Variants in ATP8A2 observed in about 807,000 individuals in gnomAD.
ATP8A2 encodes ATPase phospholipid transporting 8A2.
ATP8A2 carries 100 observed loss-of-function variants against 165.6 expected under a neutral mutation model. That is an observed-to-expected ratio of 0.60 (90% CI 0.51 to 0.71). The LOEUF (loss-of-function observed/expected upper bound fraction) is 0.71. Among genes scored for constraint, ATP8A2 ranks in the 30% least tolerant of loss-of-function variants. The pLI is 0.00. For synonymous variants in ATP8A2, 543 were observed against 548.8 expected, an observed-to-expected ratio of 0.99 and a Z score of 0.15; for missense variants, 1,227 against 1,479.5, an observed-to-expected ratio of 0.83 and a Z score of 2.80.
intron 33 of ATP8A2, among the ~76,000 whole-genome samples, chr13:25,926,118 T>C (rs1172448487): frequency 6.6e-6 from 1 of 152,188 alleles, no homozygotes; most frequent in Non-Finnish European, 1.5e-5. Flanking sequence ...TTCAATAAGC[T>C]TCAGCTTGAC....
chr13:25,912,449 A>G (rs1466733931), intron 33 of ATP8A2, among the ~76,000 whole-genome samples: 3 of 152,126 alleles, frequency 2.0e-5, no homozygotes, highest in Non-Finnish European at 4.4e-5. Flanking sequence ...CAGGAGGAAT[A>G]TGTTTTTTTC....
At chr13:25,876,877 CTAAT>C (rs1346578175) in intron 33 of ATP8A2, among the ~76,000 whole-genome samples, 2 of 151,990 alleles carry the variant, frequency 1.3e-5, no homozygotes, top group African/African-American at 4.8e-5. Flanking sequence ...ATAATATAAA[CTAAT>C]TGATTCTAAG....
intron 27 of ATP8A2, among the ~76,000 whole-genome samples, chr13:25,791,771 G>C (rs1319297988): frequency 2.6e-5 from 4 of 152,130 alleles, no homozygotes; most frequent in African/African-American, 9.7e-5. Context: ...ACAATGACAT[G>C]TTCCAGCCCA....
intron 27 of ATP8A2, among the ~76,000 whole-genome samples, chr13:25,807,796 C>G (rs865942457): frequency 6.6e-6 from 1 of 152,092 alleles, no homozygotes; most frequent in Non-Finnish European, 1.5e-5. Context: ...CCTGTGCACT[C>G]GAGAAGCCAG....
At chr13:25,972,788 A>C (rs1473199412) in intron 35 of ATP8A2, among the ~76,000 whole-genome samples, 1 of 152,192 alleles carries the variant, frequency 6.6e-6, no homozygotes, top group African/African-American at 2.4e-5. Flanking sequence ...TGGTGAAAGA[A>C]AATCTATCTG....
chr13:25,579,313 C>T (rs1046920259), intron 21 of ATP8A2, among the ~76,000 whole-genome samples: 1 of 152,154 alleles, frequency 6.6e-6, no homozygotes, highest in Non-Finnish European at 1.5e-5. Context: ...TTCCTGATAG[C>T]GAATGTCATG....
At chr13:25,690,495 A>G (rs9581421) in intron 24 of ATP8A2, among the ~76,000 whole-genome samples, 15,925 of 152,110 alleles carry the variant, frequency 0.1, 952 homozygotes, top group East Asian at 0.26. Context: ...TGTCCCTGGT[A>G]TTCTTGAATG....
chr13:25,800,693 C>T (rs147885016), intron 27 of ATP8A2, among the ~76,000 whole-genome samples: 29 of 152,210 alleles, frequency 1.9e-4, no homozygotes, highest in African/African-American at 4.6e-4. Flanking sequence ...ACTCCCTGGG[C>T]GATCGCCGTC....
chr13:25,866,316 C>A (rs1398839804), intron 33 of ATP8A2, among the ~76,000 whole-genome samples: 1 of 152,152 alleles, frequency 6.6e-6, no homozygotes, highest in Non-Finnish European at 1.5e-5. Context: ...TGCCACCCAA[C>A]CTAATTACTT....
intron 24 of ATP8A2, among the ~76,000 whole-genome samples, chr13:25,693,312 A>G (rs1340840108): frequency 6.6e-6 from 1 of 152,234 alleles, no homozygotes; most frequent in Non-Finnish European, 1.5e-5. Context: ...ACTGCACAGA[A>G]GGGACCTATG....
rs111736297 is a variant in ATP8A2 at position 25,949,503 on chromosome 13, A to C, written c.3184-12072A>C. ...CAGTGCCTCTCTTGGCTTTCTATGT[A>C]ACCACAGGAAGATTGCAATCTAGAA... On this transcript the variant is annotated intron_variant, in intron 33 of 36. Transcript: ENST00000381655. Among the ~76,000 whole-genome samples the C allele has an allele frequency of 3.9e-5, 6 of 152,360 alleles. 1 individual carries two copies. Among genetic ancestry groups the C allele is most frequent in the Admixed American group, 2.6e-4 (4 of 15,304 alleles).
At chr13:25,681,294 T>A (rs937560621) in intron 24 of ATP8A2, among the ~76,000 whole-genome samples, 1 of 152,236 alleles carries the variant, frequency 6.6e-6, no homozygotes, top group African/African-American at 2.4e-5. Flanking sequence ...TTTTAATTTG[T>A]TAGCCTGGAG....
chr13:25,562,737 T>G (rs768630750), intron 15 of ATP8A2, among the ~76,000 whole-genome samples: 2 of 152,230 alleles, frequency 1.3e-5, no homozygotes, highest in African/African-American at 4.8e-5. Context: ...TATCCACATG[T>G]GTGCCTGTGT....
chr13:25,984,473 G>T (rs374903114), intron 35 of ATP8A2, among the ~76,000 whole-genome samples: 33 of 152,058 alleles, frequency 2.2e-4, no homozygotes, highest in African/African-American at 7.7e-4. Context: ...GTGTGGTGGT[G>T]CACACCTGTA....
At chr13:25,887,504 A>G (rs1478695213) in intron 33 of ATP8A2, among the ~76,000 whole-genome samples, 1 of 152,056 alleles carries the variant, frequency 6.6e-6, no homozygotes, top group Non-Finnish European at 1.5e-5. Flanking sequence ...ATGCCCGGCT[A>G]ATTTTTGTGT....
chr13:25,740,007 T>A (rs375215654), intron 25 of ATP8A2, among the ~76,000 whole-genome samples: 10 of 152,226 alleles, frequency 6.6e-5, no homozygotes, highest in African/African-American at 2.4e-4. Context: ...CCTACATTGC[T>A]CATCCTCAAT....
intron 25 of ATP8A2, among the ~76,000 whole-genome samples, chr13:25,708,189 C>T (rs886506284): frequency 6.6e-6 from 1 of 152,142 alleles, no homozygotes; most frequent in African/African-American, 2.4e-5. Context: ...TGGCATCTTT[C>T]CTACTAGAAA....
rs1482816244 is a variant in ATP8A2 at position 25,769,112 on chromosome 13, C to T, written c.2451C>T (p.Leu817=). The T allele has an allele frequency of 4.3e-6, 7 of 1,614,180 alleles. No individual in the cohort carries two copies. In the East Asian group the frequency reaches 8.9e-5, roughly 21 times the overall value. Residue 817 remains leucine, a synonymous_variant, in exon 26 of 37, where the codon CTC becomes CTT. Transcript: ENST00000381655. ...AGAAGCGGGTGAAGGCCATCACCCT[C>T]GCCATCGGAGACGGCGCCAACGATG... ...VVKKRVKAIT[L]AIGDGANDVG...
chr13:25,939,581 G>T (rs1255095333), intron 33 of ATP8A2, among the ~76,000 whole-genome samples: 2 of 151,834 alleles, frequency 1.3e-5, no homozygotes, highest in East Asian at 3.9e-4. Flanking sequence ...TTGTGCCAAT[G>T]TGGAGACTCC....
Sources: allele counts gnomAD v4.1 joint callset (sites outside exome capture counted in the v4.1 genomes callset), GRCh38; gene constraint gnomAD v4.1.1; transcripts MANE v1.5; gene names NCBI Gene and HGNC (gene_info 2026-07-23, HGNC 2026-07-21).